Variants in SLC9B1 observed in about 807,000 individuals in gnomAD.
The protein encoded by SLC9B1 is solute carrier family 9 member B1, also known as sodium/hydrogen exchanger 9B1.
SLC9B1 carries 32 observed loss-of-function variants against 51.7 expected under a neutral mutation model. That is an observed-to-expected ratio of 0.62 (90% CI 0.47 to 0.83). SLC9B1 has a LOEUF of 0.83. SLC9B1 is among the 40% of genes least tolerant of loss of function. SLC9B1 has a pLI of 0.00. For synonymous variants in SLC9B1, 145 were observed against 212.7 expected (o/e 0.68, Z 2.77); for missense variants, 406 against 613.2 (o/e 0.66, Z 3.57).
chr4:103,018,621 C>T (rs997184263), intron 1 of SLC9B1, among the ~76,000 whole-genome samples: 3 of 151,840 alleles, frequency 2.0e-5, no homozygotes, highest in African/African-American at 4.8e-5. Context: ...TGTCTCCCCA[C>T]ATCACCAAAT....
intron 9 of SLC9B1, among the ~76,000 whole-genome samples, chr4:102,907,098 C>A (rs1165367701): frequency 6.6e-6 from 1 of 152,144 alleles, no homozygotes; most frequent in East Asian, 1.9e-4. Context: ...AAACTGAGCA[C>A]TTCAATAGTT....
intron 3 of SLC9B1, among the ~76,000 whole-genome samples, chr4:102,961,256 CAA>C (rs1303984223): frequency 6.6e-6 from 1 of 152,150 alleles, no homozygotes; most frequent in Non-Finnish European, 1.5e-5. Flanking sequence ...ACTTTTGATG[CAA>C]AGATAATTTT....
chr4:102,956,570 G>C (rs1389084099), intron 3 of SLC9B1, among the ~76,000 whole-genome samples: 1 of 152,114 alleles, frequency 6.6e-6, no homozygotes, highest in Non-Finnish European at 1.5e-5. Flanking sequence ...CCAAAATCAA[G>C]CTATGCAACA....
rs779551753 is a variant in SLC9B1 at position 102,989,931 on chromosome 4, T to G, written c.80A>C (p.Asp27Ala). Residue 27 changes from aspartate (D) to alanine (A), a missense_variant, in exon 3 of 12, where the codon GAT (aspartate) becomes GCT (alanine). This residue lies in a region of SLC9B1 where 108 missense variants were observed against 94.5 expected (regional missense o/e 1.14). Coordinates refer to ENST00000296422, the MANE Select transcript of SLC9B1 (RefSeq NM_139173.4). The stretch of plus-strand genomic sequence containing the variant: ...TTCTTCCTGTGCAGTATTATTAGGA[T>G]CAATGAGACTCTGTAGTAAAACAAG... Reference protein sequence around the residue: ...QTSTTPQSLIDPNNTAQEETK... With the variant: ...QTSTTPQSLIAPNNTAQEETK... 1.3e-6 allele frequency: 2 copies of G among 1,577,346 alleles called. No homozygotes were observed. The highest frequency in any genetic ancestry group is 1.7e-6 in the Non-Finnish European group (2 of 1,156,958).
At chr4:102,981,078 T>C (rs1454008042) in intron 3 of SLC9B1, among the ~76,000 whole-genome samples, 2 of 152,178 alleles carry the variant, frequency 1.3e-5, no homozygotes, top group Non-Finnish European at 2.9e-5. Flanking sequence ...TAGAATGTCA[T>C]ATAGTTGGAC....
downstream of SLC9B1, chr4:102,897,306 T>G (rs1413987686): frequency 6.4e-6 from 1 of 156,788 alleles, no homozygotes; most frequent in Non-Finnish European, 1.4e-5. Flanking sequence ...GCAAAGGTTA[T>G]GAAGGATGGT....
intron 1 of SLC9B1, among the ~76,000 whole-genome samples, chr4:103,010,242 C>G (rs201275285): frequency 3.1e-5 from 1 of 32,104 alleles, no homozygotes; most frequent in Non-Finnish European, 5.5e-5. Flanking sequence ...ATCAAGGCAC[C>G]CCAGCATCTT....
chr4:102,974,581 A>G (rs1738957849), intron 3 of SLC9B1, among the ~76,000 whole-genome samples: 1 of 152,322 alleles, frequency 6.6e-6, no homozygotes, highest in South Asian at 2.1e-4. Flanking sequence ...GTTGGCTACT[A>G]TAACTTATAA....
intron 9 of SLC9B1, among the ~76,000 whole-genome samples, chr4:102,908,278 G>A (rs1578336324): frequency 1.3e-5 from 2 of 152,332 alleles, no homozygotes; most frequent in East Asian, 3.9e-4. Context: ...TAAACAATTT[G>A]GCAAAAAATG....
chr4:103,014,710 T>C (rs1181342120), intron 1 of SLC9B1, among the ~76,000 whole-genome samples: 1 of 152,216 alleles, frequency 6.6e-6, no homozygotes, highest in Non-Finnish European at 1.5e-5. Context: ...CTTTGCATTG[T>C]AAGAGGCCAC....
At chr4:102,967,028 T>G (rs1738465528) in intron 3 of SLC9B1, among the ~76,000 whole-genome samples, 2 of 152,180 alleles carry the variant, frequency 1.3e-5, no homozygotes, top group South Asian at 2.1e-4. Context: ...ACAGCCAAAT[T>G]TTTGCTATGG....
chr4:102,976,100 C>A (rs1456601456), intron 3 of SLC9B1, among the ~76,000 whole-genome samples: 2 of 152,094 alleles, frequency 1.3e-5, no homozygotes, highest in African/African-American at 4.8e-5. Flanking sequence ...AAAAAAAAGA[C>A]AAGTGTTTCA....
intron 11 of SLC9B1, chr4:102,887,449 C>T (rs1224035032): frequency 4.3e-6 from 4 of 936,316 alleles, no homozygotes; most frequent in Non-Finnish European, 6.8e-6. Flanking sequence ...ACAATATTTT[C>T]TCATTCTTTG....
chr4:102,989,842 A>C lies in SLC9B1; in HGVS notation c.169T>G (p.Ser57Ala). 1 of 1,602,738 alleles carries C rather than the reference A, an allele frequency of 6.2e-7. No homozygotes were observed. The highest frequency in any genetic ancestry group is 8.5e-7 in the Non-Finnish European group (1 of 1,172,444). ...TTCAATACTCCTCTTAGAGGACAAG[A>C]AATGTATGTCTCCTTTTTTGTCTGT... is the stretch of plus-strand genomic sequence containing the variant. ...KPQTKKETYI[S>A]CPLRGVLNVI... Residue 57 changes from serine to alanine, a missense_variant, in exon 3 of 12, where the codon TCT becomes GCT. By Grantham distance (99) the Ser-to-Ala change is moderately conservative. This residue lies in a region of SLC9B1 where 108 missense variants were observed against 94.5 expected (regional missense o/e 1.14). Transcript: ENST00000296422.
At chr4:102,924,675 A>T (rs955689441) in intron 7 of SLC9B1, among the ~76,000 whole-genome samples, 1 of 152,212 alleles carries the variant, frequency 6.6e-6, no homozygotes, top group Non-Finnish European at 1.5e-5. Context: ...AAGGGCTAAT[A>T]TCCAGAATCT....
intron 7 of SLC9B1, among the ~76,000 whole-genome samples, chr4:102,931,511 A>G (rs1433396277): frequency 6.6e-6 from 1 of 152,186 alleles, no homozygotes; most frequent in Non-Finnish European, 1.5e-5. Flanking sequence ...ATTACTTTTC[A>G]ACTTAAAAAT....
intron 7 of SLC9B1, among the ~76,000 whole-genome samples, chr4:102,914,430 G>T (rs1735488040): frequency 6.6e-6 from 1 of 151,934 alleles, no homozygotes; most frequent in Admixed American, 6.6e-5. Flanking sequence ...GCAAGAAGGG[G>T]ATCTTTTCAG....
At chr4:102,956,941 T>G (rs1378469465) in intron 3 of SLC9B1, among the ~76,000 whole-genome samples, 1 of 152,100 alleles carries the variant, frequency 6.6e-6, no homozygotes, top group Non-Finnish European at 1.5e-5. Flanking sequence ...ATTAAAAATA[T>G]GATAATGTGC....
chr4:102,949,885 C>T (rs1280033922), intron 3 of SLC9B1, among the ~76,000 whole-genome samples: 2 of 151,792 alleles, frequency 1.3e-5, no homozygotes, highest in East Asian at 1.9e-4. Flanking sequence ...TGCTTGAACC[C>T]GGGAGGTGGA....
Sources: gnomAD v4.1 joint callset for allele counts (sites outside exome capture counted in the v4.1 genomes callset) on GRCh38, gnomAD v4.1.1 for gene constraint, gnomAD v4.1.1 regional missense constraint, MANE v1.5 for transcripts, NCBI Gene and HGNC (gene_info 2026-07-23, HGNC 2026-07-21) for gene names.